The following BMP5 variants were observed in gnomAD, a reference collection of about 807,000 sequenced individuals.
BMP5 encodes bone morphogenetic protein 5.
A neutral mutation model predicts 46.6 loss-of-function variants in BMP5; 23 were observed. That is an observed-to-expected ratio of 0.49 (90% CI 0.35 to 0.70). The LOEUF (loss-of-function observed/expected upper bound fraction) is 0.70. Among genes scored for constraint, BMP5 ranks in the 30% least tolerant of loss-of-function variants. BMP5 has a pLI of 0.00. For synonymous variants in BMP5, 204 were observed against 191.9 expected (o/e 1.06, Z -0.52); for missense variants, 545 against 565.6 (o/e 0.96, Z 0.37).
chr6:55,826,705 A>T (rs1324410543), intron 1 of BMP5, among the ~76,000 whole-genome samples: 2 of 151,478 alleles, frequency 1.3e-5, no homozygotes, highest in African/African-American at 4.8e-5. Context: ...TAACAAATAA[A>T]CAATTGTAGC....
chr6:55,851,662 T>C (rs3798826), intron 1 of BMP5, among the ~76,000 whole-genome samples: 12,068 of 152,310 alleles, frequency 0.079, 519 homozygotes, highest in Middle Eastern at 0.16. Flanking sequence ...TTAGGCCATG[T>C]GCAAGTATAA....
chr6:55,796,082 G>A (rs1775705322), intron 2 of BMP5, among the ~76,000 whole-genome samples: 1 of 152,048 alleles, frequency 6.6e-6, no homozygotes, highest in African/African-American at 2.4e-5. Context: ...CCTTAATCTT[G>A]GAATTAACTC....
At chr6:55,866,946 T>C (rs1319486079) in intron 1 of BMP5, among the ~76,000 whole-genome samples, 1 of 152,336 alleles carries the variant, frequency 6.6e-6, no homozygotes. Flanking sequence ...TTAACATATA[T>C]ATCAGTAACT....
intron 2 of BMP5, among the ~76,000 whole-genome samples, chr6:55,800,622 A>G (rs1170210501): frequency 6.6e-6 from 1 of 152,226 alleles, no homozygotes; most frequent in Non-Finnish European, 1.5e-5. Flanking sequence ...TCAGCTGAAT[A>G]AATGGAGTAT....
intron 1 of BMP5, among the ~76,000 whole-genome samples, chr6:55,823,771 A>G (rs557580990): frequency 7.2e-5 from 11 of 152,008 alleles, no homozygotes; most frequent in African/African-American, 2.2e-4. Context: ...AAGACATGCC[A>G]TTCTTTCTGG....
At chr6:55,786,819 T>C (rs1021350928) in intron 3 of BMP5, among the ~76,000 whole-genome samples, 9 of 151,680 alleles carry the variant, frequency 5.9e-5, no homozygotes, top group African/African-American at 1.2e-4. Context: ...CATTTGTTTA[T>C]TTAAAACCAA....
intron 1 of BMP5, among the ~76,000 whole-genome samples, chr6:55,844,855 A>G (rs1347328205): frequency 6.6e-6 from 1 of 151,976 alleles, no homozygotes; most frequent in Non-Finnish European, 1.5e-5. Flanking sequence ...ACCAACCAAA[A>G]TGTTTTCCAA....
At chr6:55,798,056 C>T (rs997908181) in intron 2 of BMP5, among the ~76,000 whole-genome samples, 1 of 152,174 alleles carries the variant, frequency 6.6e-6, no homozygotes, top group Non-Finnish European at 1.5e-5. Context: ...CTGTTCCAGG[C>T]TCTCTCCTTG....
intron 1 of BMP5, among the ~76,000 whole-genome samples, chr6:55,824,070 T>C (rs1776473332): frequency 6.6e-6 from 1 of 151,896 alleles, no homozygotes; most frequent in South Asian, 2.1e-4. Context: ...GCTACCAAAA[T>C]CAAAACTCCC....
chr6:55,774,057 C>G lies in BMP5; in HGVS notation c.1019G>C (p.Ser340Thr). 1 of 1,612,506 alleles carries G rather than the reference C, an allele frequency of 6.2e-7. No individual in the cohort carries two copies. Among genetic ancestry groups the G allele is most frequent in the Non-Finnish European group, 8.5e-7 (1 of 1,179,206 alleles). ...CTCGGGTTTATTCTTACCTCCAACA[C>G]TGGACATTCTGGAGGAGTCCTGATG... ...SSHQDSSRMS[S>T]VGDYNTSEQK... The change falls in exon 4 of 7, where the codon AGT (serine) becomes ACT (threonine). Residue 340 changes from serine (S) to threonine (T), a missense_variant. Ser to Thr is a moderately conservative substitution (Grantham distance 58). Transcript: ENST00000370830.
At chr6:55,861,513 C>A (rs1777525710) in intron 1 of BMP5, among the ~76,000 whole-genome samples, 1 of 152,220 alleles carries the variant, frequency 6.6e-6, no homozygotes, top group Non-Finnish European at 1.5e-5. Context: ...ACAGATCAAT[C>A]TTTCCACTCC....
At chr6:55,856,029 C>A (rs777061895) in intron 1 of BMP5, among the ~76,000 whole-genome samples, 1 of 152,028 alleles carries the variant, frequency 6.6e-6, no homozygotes, top group Non-Finnish European at 1.5e-5. Context: ...CTGTTCATGG[C>A]TCTTTTGTAG....
chr6:55,846,954 A>T lies in BMP5; in HGVS notation c.491-27107T>A, dbSNP rs182545566. Among the ~76,000 whole-genome samples, 3 of 151,910 alleles carry T rather than the reference A, an allele frequency of 2.0e-5. No homozygotes were observed. In the East Asian group the frequency reaches 5.8e-4, roughly 29 times the overall value. On this transcript the variant is annotated intron_variant, in intron 1 of 6. Transcript: ENST00000370830. Reference sequence around the variant, plus strand: ...TTCAGGGAAGCAAATATTTATAGTTAAAAAGTGGCTTCAATATGAAATTAT... The same window carrying T: ...TTCAGGGAAGCAAATATTTATAGTTTAAAAGTGGCTTCAATATGAAATTAT...
intron 4 of BMP5, among the ~76,000 whole-genome samples, chr6:55,767,996 T>C (rs1488816732): frequency 1.3e-5 from 2 of 151,992 alleles, no homozygotes; most frequent in Admixed American, 6.6e-5. Context: ...TTGTACCATG[T>C]TGATATCAGC....
intron 4 of BMP5, among the ~76,000 whole-genome samples, chr6:55,771,883 T>G (rs1045910266): frequency 3.3e-5 from 5 of 151,900 alleles, no homozygotes; most frequent in African/African-American, 1.2e-4. Flanking sequence ...TATTTATATT[T>G]GGATAATTTT....
intron 2 of BMP5, 144 bp from the exon 3 acceptor site, chr6:55,794,571 T>G (rs1294944936): frequency 7.6e-6 from 6 of 789,436 alleles, no homozygotes; most frequent in Non-Finnish European, 1.3e-5. Flanking sequence ...ACTCAAGTGA[T>G]GAGTAATAAG....
At chr6:55,856,593 T>C (rs1391905431) in intron 1 of BMP5, among the ~76,000 whole-genome samples, 1 of 152,134 alleles carries the variant, frequency 6.6e-6, no homozygotes, top group Non-Finnish European at 1.5e-5. Flanking sequence ...TTTTATGATG[T>C]GTAGTGGTAT....
At chr6:55,790,589 A>T (rs536296514) in intron 3 of BMP5, among the ~76,000 whole-genome samples, 1 of 152,214 alleles carries the variant, frequency 6.6e-6, no homozygotes, top group African/African-American at 2.4e-5. Context: ...CATTTTACAC[A>T]TGAAAGTTGT....
In BMP5 at chr6:55,819,660, T is replaced by C. The variant is rs1421511568; in HGVS notation, c.678A>G (p.Thr226=). 1.2e-6 allele frequency: 2 copies of C among 1,606,878 alleles called. No homozygotes were observed. The highest frequency in any genetic ancestry group is 1.7e-6 in the Non-Finnish European group (2 of 1,173,782). The change falls in exon 2 of 7, where the codon ACA becomes ACG. Residue 226 remains threonine, a synonymous_variant. Transcript: ENST00000370830. The part of the protein sequence containing the change: ...ISIYQIIKEY[T]NRDADLFLLD... ...GTTAAATAAAAAGATTATACCTATTTGTGTATTCCTTGATGATTTGATATA... is the reference window on the plus strand; with the variant it reads ...GTTAAATAAAAAGATTATACCTATTCGTGTATTCCTTGATGATTTGATATA...
Sources: gnomAD v4.1 joint callset for allele counts (sites outside exome capture counted in the v4.1 genomes callset) on GRCh38, gnomAD v4.1.1 for gene constraint, MANE v1.5 for transcripts, NCBI Gene and HGNC (gene_info 2026-07-23, HGNC 2026-07-21) for gene names.